The following CNTN1 variants were observed in gnomAD, a reference collection of about 807,000 sequenced individuals.
CNTN1 encodes the protein contactin 1.
CNTN1 carries 38 observed loss-of-function variants against 126.4 expected under a neutral mutation model. The observed-to-expected ratio is 0.30, with a 90% confidence interval of 0.23 to 0.39. CNTN1 has a LOEUF of 0.39. CNTN1 is among the 10% of genes least tolerant of loss of function. The pLI is 1.00. For synonymous variants in CNTN1, 413 were observed against 422.6 expected, an observed-to-expected ratio of 0.98 and a Z score of 0.28; for missense variants, 1,009 against 1,248.4, an observed-to-expected ratio of 0.81 and a Z score of 2.89.
Position 41,016,434 on chromosome 12 carries a change from C to T in CNTN1, c.2185-248C>T, listed in dbSNP as rs1280524208. Reference sequence around the variant, plus strand: ...AGGAGAACATTCTAGGCAGAAGAAACTGAAAGGAAAAAGGCCCGGAGTGAG... The same window carrying T: ...AGGAGAACATTCTAGGCAGAAGAAATTGAAAGGAAAAAGGCCCGGAGTGAG... On this transcript the variant is annotated intron_variant, in intron 18 of 23. Coordinates refer to ENST00000551295, the MANE Select transcript of CNTN1 (RefSeq NM_001843.4). Among the ~76,000 whole-genome samples the T allele has an allele frequency of 2.6e-5, 4 of 152,072 alleles. No homozygotes were observed. In the East Asian group the frequency reaches 7.7e-4, roughly 29 times the overall value.
chr12:40,711,306 C>A (rs372451933), intron 1 of CNTN1, among the ~76,000 whole-genome samples: 50 of 152,180 alleles, frequency 3.3e-4, no homozygotes, highest in African/African-American at 1.2e-3. Context: ...TTTCATTTTT[C>A]TCTTCCCTTT....
intron 1 of CNTN1, among the ~76,000 whole-genome samples, chr12:40,724,905 T>C (rs1308437476): frequency 5.3e-5 from 8 of 152,170 alleles, no homozygotes; most frequent in Admixed American, 5.2e-4. Context: ...ATAGAGATCA[T>C]TGATGGAATT....
chr12:40,756,027 C>T (rs1938597258), intron 1 of CNTN1, among the ~76,000 whole-genome samples: 1 of 151,954 alleles, frequency 6.6e-6, no homozygotes. Context: ...TTTTTCTAGC[C>T]ACATTTAGAT....
At chr12:40,842,066 G>A (rs910224019) in intron 1 of CNTN1, among the ~76,000 whole-genome samples, 5 of 151,818 alleles carry the variant, frequency 3.3e-5, no homozygotes, top group African/African-American at 1.2e-4. Flanking sequence ...TGAAAAATAA[G>A]CCACTCATAA....
At position 41,041,422 on chromosome 12, in the gene CNTN1, G is replaced by A. The variant is rs181681486; in HGVS notation, c.2980+12203G>A. On this transcript the variant is annotated intron_variant, in intron 23 of 23. Transcript: ENST00000551295. ...CCGGCTTTGGTATCAGGATGATGCC[G>A]GCCTCATAAAATGAGTTAGGGAGGA... 2.2e-3 allele frequency among the ~76,000 whole-genome samples: 339 copies of A among 152,190 alleles called. 6 individuals are homozygous for A. Among genetic ancestry groups the A allele is most frequent in the Admixed American group, 0.019 (290 of 15,260 alleles).
At chr12:40,799,261 G>A (rs776220561) in intron 1 of CNTN1, among the ~76,000 whole-genome samples, 2 of 150,806 alleles carry the variant, frequency 1.3e-5, no homozygotes, top group Non-Finnish European at 3.0e-5. Context: ...TTTTATACTT[G>A]ATACAATCTA....
intron 1 of CNTN1, among the ~76,000 whole-genome samples, chr12:40,891,784 A>G (rs1253493620): frequency 1.2e-4 from 19 of 152,070 alleles, no homozygotes; most frequent in Admixed American, 1.2e-3. Context: ...CTTGGTGACC[A>G]TAGCTTTATA....
At chr12:40,790,107 G>C (rs563704001) in intron 1 of CNTN1, among the ~76,000 whole-genome samples, 2 of 152,090 alleles carry the variant, frequency 1.3e-5, no homozygotes, top group Non-Finnish European at 2.9e-5. Context: ...AGGAAGTCTA[G>C]CAGCTGCATG....
intron 23 of CNTN1, chr12:41,061,747 C>T (rs758015276): frequency 3.8e-4 from 173 of 455,242 alleles, no homozygotes; most frequent in Non-Finnish European, 7.1e-4. Context: ...AACATTAAAC[C>T]CTATCATTTT....
chr12:41,038,483 TTTC>T (rs1347490224), intron 23 of CNTN1, among the ~76,000 whole-genome samples: 3 of 152,082 alleles, frequency 2.0e-5, no homozygotes, highest in African/African-American at 7.2e-5. Flanking sequence ...TGTGTTGTAC[TTTC>T]TTCTTCTTAT....
intron 3 of CNTN1, among the ~76,000 whole-genome samples, chr12:40,911,316 G>A (rs1391876848): frequency 6.6e-6 from 1 of 151,992 alleles, no homozygotes; most frequent in Non-Finnish European, 1.5e-5. Flanking sequence ...TCCTGACCTC[G>A]TGATCCGCCC....
intron 1 of CNTN1, among the ~76,000 whole-genome samples, chr12:40,805,066 C>A (rs1940795280): frequency 2.0e-5 from 3 of 152,010 alleles, no homozygotes. Context: ...TTTCCATATT[C>A]TCACTGCCTT....
chr12:40,881,951 A>T (rs1943883591), intron 1 of CNTN1, among the ~76,000 whole-genome samples: 1 of 151,796 alleles, frequency 6.6e-6, no homozygotes, highest in African/African-American at 2.4e-5. Context: ...TAGTGATTTA[A>T]TATGCTATTT....
intron 1 of CNTN1, among the ~76,000 whole-genome samples, chr12:40,727,147 G>C (rs999980979): frequency 6.6e-6 from 1 of 150,942 alleles, no homozygotes; most frequent in Non-Finnish European, 1.5e-5. Context: ...TAATAAATGT[G>C]ATGATTACAC....
At chr12:41,028,379 T>C (rs1161499921) in intron 22 of CNTN1, among the ~76,000 whole-genome samples, 1 of 152,166 alleles carries the variant, frequency 6.6e-6, no homozygotes, top group Non-Finnish European at 1.5e-5. Context: ...CAGAATCAGA[T>C]AACGTAGTGC....
intron 1 of CNTN1, among the ~76,000 whole-genome samples, chr12:40,717,643 G>T (rs746922536): frequency 4.6e-5 from 7 of 152,176 alleles, no homozygotes; most frequent in Non-Finnish European, 8.8e-5. Flanking sequence ...TCTTGAAGGA[G>T]CCTTATGACA....
chr12:40,832,156 A>G (rs1398909688), intron 1 of CNTN1, among the ~76,000 whole-genome samples: 4 of 152,198 alleles, frequency 2.6e-5, no homozygotes, highest in Non-Finnish European at 5.9e-5. Context: ...ACATTGTTTA[A>G]TCTCACTGGA....
At chr12:40,962,534 T>A (rs752208026) in intron 15 of CNTN1, among the ~76,000 whole-genome samples, 78 of 152,174 alleles carry the variant, frequency 5.1e-4, no homozygotes, top group Non-Finnish European at 7.6e-4. Flanking sequence ...GAGAAAACAC[T>A]CCCGCTGTGA....
At position 40,933,856 on chromosome 12, in the gene CNTN1, T is replaced by C. The variant is rs1444571094; in HGVS notation, c.963T>C (p.His321=). The C allele has an allele frequency of 6.2e-7, 1 of 1,611,944 alleles. No homozygotes were observed. Among genetic ancestry groups the C allele is most frequent in the East Asian group, 2.2e-5 (1 of 44,818 alleles). ...EAENIRGKDK[H]QARIYVQAFP... ...AGAACATTAGAGGAAAGGATAAACA[T>C]CAAGCAAGAATTTATGTTCAAGGTA... The change falls in exon 9 of 24, where the codon CAT becomes CAC. Residue 321 remains histidine (H), a synonymous_variant. Transcript: ENST00000551295.
Sources: allele counts gnomAD v4.1 joint callset (sites outside exome capture counted in the v4.1 genomes callset), GRCh38; gene constraint gnomAD v4.1.1; transcripts MANE v1.5; gene names NCBI Gene and HGNC (gene_info 2026-07-23, HGNC 2026-07-21).